MALRD1: variants seen among roughly 807,000 people sequenced by gnomAD.
The protein encoded by MALRD1 is MAM and LDL-receptor class A domain-containing protein 1.
In MALRD1, 247 loss-of-function variants were observed where a neutral mutation model predicts 242.1. The observed-to-expected ratio is 1.02, with a 90% CI of 0.92 to 1.13. MALRD1 has a LOEUF of 1.13. MALRD1 is among the 50% of genes most tolerant of loss of function. MALRD1 has a pLI of 0.00. For synonymous variants in MALRD1, 995 were observed against 866.6 expected, an observed-to-expected ratio of 1.15 and a Z score of -2.60; for missense variants, 2,989 against 2,533.1, an observed-to-expected ratio of 1.18 and a Z score of -3.86.
intron 26 of MALRD1, among the ~76,000 whole-genome samples, chr10:19,374,634 G>T (rs1019498554): frequency 6.6e-6 from 1 of 152,118 alleles, no homozygotes; most frequent in African/African-American, 2.4e-5. Flanking sequence ...ATATACTGAA[G>T]GTTTATGGAA....
At chr10:19,271,672 A>G (rs1840250014) in intron 19 of MALRD1, among the ~76,000 whole-genome samples, 1 of 152,094 alleles carries the variant, frequency 6.6e-6, no homozygotes, top group Non-Finnish European at 1.5e-5. Context: ...CTGAGGCAGG[A>G]GAATCACTTG....
chr10:19,544,845 G>A (rs1447660715), intron 32 of MALRD1, among the ~76,000 whole-genome samples: 1 of 152,022 alleles, frequency 6.6e-6, no homozygotes, highest in Non-Finnish European at 1.5e-5. Context: ...GTAAAACTAT[G>A]CATTTTACTT....
At position 19,205,041 on chromosome 10, in the gene MALRD1, C is replaced by T. The variant is rs548485166; in HGVS notation, c.2354C>T (p.Ser785Leu). 4.7e-5 allele frequency: 73 copies of T among 1,550,746 alleles called. No individual in the cohort carries two copies. Among genetic ancestry groups the T allele is most frequent in the South Asian group, 7.1e-5 (6 of 84,062 alleles). ...LEATIQLGRL[S>L]QPFHLSLDKV... ...GCAACCATTCAGCTAGGGCGCCTTT[C>T]GCAGCCCTTCCATTTGTCACTAGAT... is the stretch of plus-strand genomic sequence containing the variant. Residue 785 changes from serine to leucine, a missense_variant, in exon 17 of 40, where the codon TCG (serine) becomes TTG (leucine). Transcript: ENST00000454679.
chr10:19,212,177 C>T (rs1039900147), intron 18 of MALRD1, among the ~76,000 whole-genome samples: 10 of 152,198 alleles, frequency 6.6e-5, no homozygotes, highest in Admixed American at 2.6e-4. Flanking sequence ...AGCACACAAC[C>T]GAGGTGATGG....
At chr10:19,348,380 ATAGAAT>A (rs1256396682) in intron 25 of MALRD1, among the ~76,000 whole-genome samples, 13 of 152,170 alleles carry the variant, frequency 8.5e-5, no homozygotes, top group Admixed American at 2.0e-4. Flanking sequence ...ACAAACAGAA[ATAGAAT>A]TAAACAACAG....
intron 26 of MALRD1, among the ~76,000 whole-genome samples, chr10:19,360,078 T>C (rs1844824952): frequency 6.6e-6 from 1 of 152,090 alleles, no homozygotes; most frequent in Non-Finnish European, 1.5e-5. Flanking sequence ...TTAAAATAAT[T>C]ATTATAATTA....
At position 19,125,290 on chromosome 10, in the gene MALRD1, TTTCCTTCCTTCC is replaced by T. The variant is rs202203495; in HGVS notation, c.943+644_943+655del. ...TTCTCTTTCTTTCTTTCTTTCTTTC[TTTCCTTCCTTCC>T]TTCCTTCCTTCCTTCCTTCCTTCTT... On this transcript the variant is annotated intron_variant, in intron 7 of 39. Coordinates refer to ENST00000454679, the MANE Select transcript of MALRD1 (RefSeq NM_001142308.3). 2.9e-3 allele frequency among the ~76,000 whole-genome samples: 198 copies of T among 69,086 alleles called. 4 individuals carry two copies. Among genetic ancestry groups the T allele is most frequent in the African/African-American group, 0.012 (166 of 14,424 alleles). The allele number at this position is 69,086 out of a possible 152,430, so 45.3% of individuals were successfully genotyped here. A position where few individuals can be genotyped will look rare whatever the true frequency, so the allele number is the denominator to read the frequency against.
At chr10:19,171,481 C>T (rs12764242) in intron 13 of MALRD1, among the ~76,000 whole-genome samples, 42 of 136,940 alleles carry the variant, frequency 3.1e-4, no homozygotes, top group African/African-American at 4.3e-4. Flanking sequence ...TACACACACA[C>T]ATATATACAC....
At chr10:19,214,819 C>T (rs946127790) in intron 18 of MALRD1, among the ~76,000 whole-genome samples, 1 of 152,072 alleles carries the variant, frequency 6.6e-6, no homozygotes, top group Non-Finnish European at 1.5e-5. Context: ...TGACAATTTC[C>T]CATTGAGACT....
chr10:19,281,269 G>A (rs903189326), intron 20 of MALRD1, among the ~76,000 whole-genome samples: 9 of 152,140 alleles, frequency 5.9e-5, no homozygotes, highest in African/African-American at 2.2e-4. Context: ...GGAAGGTGTG[G>A]TGGTGTTCAG....
chr10:19,188,854 GC>G (rs34183920), intron 14 of MALRD1, among the ~76,000 whole-genome samples: 65,396 of 151,882 alleles, frequency 0.43, 14,476 homozygotes, highest in Admixed American at 0.5. Flanking sequence ...TAGGGTGAGA[GC>G]AGTAGAGATG....
chr10:19,049,754 G>A (rs1834429960), intron 1 of MALRD1, among the ~76,000 whole-genome samples: 1 of 152,198 alleles, frequency 6.6e-6, no homozygotes, highest in South Asian at 2.1e-4. Context: ...AAGAGGTCAT[G>A]AGATGAGATA....
intron 5 of MALRD1, among the ~76,000 whole-genome samples, chr10:19,121,310 G>T (rs1306521681): frequency 1.3e-5 from 2 of 152,102 alleles, no homozygotes; most frequent in Non-Finnish European, 2.9e-5. Flanking sequence ...CAAGTGCTGG[G>T]ATTACAGTTG....
At chr10:19,242,846 C>G (rs1288739736) in intron 18 of MALRD1, among the ~76,000 whole-genome samples, 1 of 152,004 alleles carries the variant, frequency 6.6e-6, no homozygotes, top group African/African-American at 2.4e-5. Context: ...ATGTAGGCAG[C>G]ATATAGGTGG....
intron 28 of MALRD1, among the ~76,000 whole-genome samples, chr10:19,443,947 C>A (rs1452635259): frequency 6.6e-6 from 1 of 152,102 alleles, no homozygotes; most frequent in South Asian, 2.1e-4. Context: ...GAGTCTAAGT[C>A]TCTTTGTAGG....
intron 29 of MALRD1, among the ~76,000 whole-genome samples, chr10:19,485,618 G>A (rs888797048): frequency 2.7e-5 from 4 of 150,038 alleles, no homozygotes; most frequent in African/African-American, 9.8e-5. Context: ...ACTCCAGCCT[G>A]GGCGACAGAG....
chr10:19,175,056 T>A (rs1421169489), intron 13 of MALRD1, among the ~76,000 whole-genome samples, 152 bp from the exon 14 acceptor site: 1 of 152,172 alleles, frequency 6.6e-6, no homozygotes, highest in Non-Finnish European at 1.5e-5. Context: ...TTTTATAAAT[T>A]TAAATTAGGA....
intron 21 of MALRD1, among the ~76,000 whole-genome samples, chr10:19,321,959 T>C (rs1224546629): frequency 2.6e-5 from 4 of 152,146 alleles, no homozygotes; most frequent in African/African-American, 7.2e-5. Context: ...TTTATTATTC[T>C]AAGCAAGAGG....
intron 30 of MALRD1, 79 bp downstream of exon 30, chr10:19,491,724 A>G: frequency 7.0e-7 from 1 of 1,429,646 alleles, no homozygotes; most frequent in Non-Finnish European, 9.4e-7. Flanking sequence ...ATTGGTGTTG[A>G]TGATGGAGAA....
Sources: allele counts gnomAD v4.1 joint callset (sites outside exome capture counted in the v4.1 genomes callset), GRCh38; gene constraint gnomAD v4.1.1; transcripts MANE v1.5; gene names NCBI Gene and HGNC (gene_info 2026-07-23, HGNC 2026-07-21).